The following UNC13C variants were observed in gnomAD, a reference collection of about 807,000 sequenced individuals.
UNC13C encodes unc-13 homolog C, also known as protein unc-13 homolog C.
UNC13C carries 174 observed loss-of-function variants against 245.4 expected under a neutral mutation model. That is an observed-to-expected ratio of 0.71 (90% CI 0.63 to 0.80). UNC13C has a LOEUF of 0.80. Among genes scored for constraint, UNC13C ranks in the 30% least tolerant of loss-of-function variants. The pLI, the probability that UNC13C is intolerant of heterozygous loss-of-function variation, is 0.00. For missense variants in UNC13C, 2,829 were observed against 2,602.9 expected, an observed-to-expected ratio of 1.09 and a Z score of -1.89; for synonymous variants, 992 against 895.1, an observed-to-expected ratio of 1.11 and a Z score of -1.93.
chr15:54,205,536 A>T (rs538568255), intron 4 of UNC13C, among the ~76,000 whole-genome samples: 2 of 152,064 alleles, frequency 1.3e-5, no homozygotes, highest in African/African-American at 4.8e-5. Context: ...AGGCTCTATA[A>T]ATATTGGCTA....
chr15:54,083,089 CAG>C (rs942941791), intron 2 of UNC13C, among the ~76,000 whole-genome samples: 3 of 152,096 alleles, frequency 2.0e-5, no homozygotes, highest in Admixed American at 6.5e-5. Flanking sequence ...ATTCTCAGCT[CAG>C]GGGGAAGTGC....
chr15:54,389,579 G>A (rs2039909961), intron 17 of UNC13C, among the ~76,000 whole-genome samples: 1 of 152,208 alleles, frequency 6.6e-6, no homozygotes, highest in Non-Finnish European at 1.5e-5. Context: ...GCCCTTGTGT[G>A]TGTAAGTACA....
At chr15:54,135,008 C>T (rs2031657180) in intron 2 of UNC13C, among the ~76,000 whole-genome samples, 1 of 152,104 alleles carries the variant, frequency 6.6e-6, no homozygotes. Context: ...TATAACCATT[C>T]TAACAGGTGT....
At chr15:54,463,797 C>G (rs1892014483) in intron 19 of UNC13C, among the ~76,000 whole-genome samples, 1 of 152,094 alleles carries the variant, frequency 6.6e-6, no homozygotes, top group Non-Finnish European at 1.5e-5. Flanking sequence ...AAGTAGGATG[C>G]TCGTCAAAAG....
chr15:54,360,808 C>T (rs905316743), intron 17 of UNC13C, among the ~76,000 whole-genome samples: 1 of 152,204 alleles, frequency 6.6e-6, no homozygotes, highest in Non-Finnish European at 1.5e-5. Flanking sequence ...CAGTATTCCA[C>T]TCTCACTGAG....
At chr15:54,328,840 CTG>C (rs1289654164) in intron 14 of UNC13C, among the ~76,000 whole-genome samples, 1 of 152,062 alleles carries the variant, frequency 6.6e-6, no homozygotes, top group Non-Finnish European at 1.5e-5. Flanking sequence ...ATTTTAAAGA[CTG>C]TTATTTTGTG....
At chr15:54,167,775 T>C (rs1003042041) in intron 4 of UNC13C, among the ~76,000 whole-genome samples, 1 of 151,646 alleles carries the variant, frequency 6.6e-6, no homozygotes, top group African/African-American at 2.4e-5. Flanking sequence ...ATCCTACAAC[T>C]CCATTAAAAA....
chr15:53,877,987 T>G, the UNC13C span, among the ~76,000 whole-genome samples: 1 of 152,226 alleles, frequency 6.6e-6, no homozygotes, highest in African/African-American at 2.4e-5. Context: ...TCAATATACA[T>G]TTTTTAGATT....
At chr15:54,154,541 T>G (rs1897059) in intron 4 of UNC13C, among the ~76,000 whole-genome samples, 98,741 of 151,974 alleles carry the variant, frequency 0.65, 33,565 homozygotes, top group Non-Finnish European at 0.75. Flanking sequence ...ATACAGTAAT[T>G]AACAACTACC....
intron 2 of UNC13C, among the ~76,000 whole-genome samples, chr15:54,082,321 A>G (rs1898989819): frequency 6.6e-6 from 1 of 152,084 alleles, no homozygotes; most frequent in African/African-American, 2.4e-5. Context: ...AGCTCTAGCA[A>G]TATTAGGGCA....
At chr15:54,241,898 A>G (rs1596069567) in intron 7 of UNC13C, among the ~76,000 whole-genome samples, 1 of 152,166 alleles carries the variant, frequency 6.6e-6, no homozygotes, top group African/African-American at 2.4e-5. Context: ...ACCAAAGTAA[A>G]GATTATCTCT....
chr15:54,600,680 G>GT (rs1899362962), intron 30 of UNC13C, among the ~76,000 whole-genome samples: 1 of 152,112 alleles, frequency 6.6e-6, no homozygotes, highest in East Asian at 1.9e-4. Flanking sequence ...ATCAGTGTTT[G>GT]TTTTTTATCT....
At position 54,116,680 on chromosome 15, in the gene UNC13C, G is replaced by C. The variant is rs539053583; in HGVS notation, c.2984-26338G>C. Among the ~76,000 whole-genome samples, 82 of 152,274 alleles carry C rather than the reference G, an allele frequency of 5.4e-4. 1 individual carries two copies. The highest frequency in any genetic ancestry group is 1.9e-3 in the African/African-American group (77 of 41,536). On this transcript the variant is annotated intron_variant, in intron 2 of 32. Coordinates refer to ENST00000260323, the MANE Select transcript of UNC13C (RefSeq NM_001080534.3). ...CGTTGTCTCTATGCATTCATCCACT[G>C]ATGGGAACTTAGGTTGATTCCACAT...
rs1490866028 is a variant in UNC13C, at chr15:54,075,444, TGAGCCG to T, written c.2983+59563_2983+59568del. Reference sequence around the variant, plus strand: ...GCTTGCAGTGAGCCGGAGCTTGCAGTGAGCCGGAGCTTGCAGTGAGCCGGAGCTTGC... The same window carrying T: ...GCTTGCAGTGAGCCGGAGCTTGCAGTGAGCTTGCAGTGAGCCGGAGCTTGC... On this transcript the variant is annotated intron_variant, in intron 2 of 32. Transcript: ENST00000260323. Among the ~76,000 whole-genome samples, 13 of 103,132 alleles carry T rather than the reference TGAGCCG, an allele frequency of 1.3e-4. No individual in the cohort carries two copies. In the East Asian group the frequency reaches 3.3e-3, roughly 26 times the overall value. 67.7% of individuals were successfully genotyped at this position (103,132 alleles called of 152,430 possible).
At chr15:53,846,190 G>A in the UNC13C span, among the ~76,000 whole-genome samples, 1 of 152,238 alleles carries the variant, frequency 6.6e-6, no homozygotes, top group South Asian at 2.1e-4. Flanking sequence ...ATTTACGATG[G>A]ATTTATTGAG....
chr15:54,610,329 G>A (rs879771799), intron 30 of UNC13C, among the ~76,000 whole-genome samples: 4 of 151,962 alleles, frequency 2.6e-5, no homozygotes, highest in African/African-American at 7.3e-5. Context: ...TCCGCCTTCC[G>A]GGTTCAGCAA....
intron 19 of UNC13C, among the ~76,000 whole-genome samples, chr15:54,490,230 A>G (rs1424807859): frequency 2.0e-5 from 3 of 152,210 alleles, no homozygotes; most frequent in African/African-American, 7.2e-5. Flanking sequence ...AGGAACTAGA[A>G]TGAGTAGTCT....
At chr15:54,386,644 C>T (rs1181236463) in intron 17 of UNC13C, among the ~76,000 whole-genome samples, 1 of 152,168 alleles carries the variant, frequency 6.6e-6, no homozygotes, top group African/African-American at 2.4e-5. Flanking sequence ...GCCTCCTGCA[C>T]TTGTTGATGC....
intron 24 of UNC13C, 30 bp from the exon 25 acceptor site, chr15:54,525,518 CA>C: frequency 6.4e-7 from 1 of 1,568,176 alleles, no homozygotes; most frequent in Non-Finnish European, 8.7e-7. Context: ...CTCAAAACTC[CA>C]AAGTAATATT....
Sources: gnomAD v4.1 joint callset for allele counts (sites outside exome capture counted in the v4.1 genomes callset) on GRCh38, gnomAD v4.1.1 for gene constraint, MANE v1.5 for transcripts, NCBI Gene and HGNC (gene_info 2026-07-23, HGNC 2026-07-21) for gene names.